The following HADHA variants were observed in gnomAD, a reference collection of about 807,000 sequenced individuals.
HADHA encodes trifunctional enzyme subunit alpha, mitochondrial.
Under a neutral mutation model 91.3 loss-of-function variants are expected in HADHA, and 59 were observed. That is an observed-to-expected ratio of 0.65 (90% CI 0.52 to 0.80). The LOEUF (loss-of-function observed/expected upper bound fraction) is 0.80, where lower values mean the gene tolerates loss of function less well. Among genes scored for constraint, HADHA ranks in the 30% least tolerant of loss-of-function variants. HADHA has a pLI of 0.00. For missense variants in HADHA, 800 were observed against 927.6 expected (o/e 0.86, Z 1.79); for synonymous variants, 320 against 338.9 (o/e 0.94, Z 0.61).
At chr2:26,224,991 T>C (rs549420881) in intron 7 of HADHA, among the ~76,000 whole-genome samples, 1 of 152,314 alleles carries the variant, frequency 6.6e-6, no homozygotes, top group East Asian at 1.9e-4. Flanking sequence ...AAATTGTTAA[T>C]AGATGAACAA....
chr2:26,232,412 C>A, intron 5 of HADHA, 133 bp from the exon 6 acceptor site: 1 of 690,204 alleles, frequency 1.4e-6, no homozygotes, highest in Non-Finnish European at 2.6e-6. Context: ...CTTAGGCTGG[C>A]ATTTAATAAT....
chr2:26,236,359 G>GTGTGTGTATATATATA (rs141555532), intron 4 of HADHA, among the ~76,000 whole-genome samples: 11 of 137,872 alleles, frequency 8.0e-5, no homozygotes, highest in African/African-American at 3.0e-4. Flanking sequence ...GTGTGTGTGT[G>GTGTGTGTATATATATA]TATATATATA....
intron 7 of HADHA, 40 bp from the exon 8 acceptor site, chr2:26,215,215 T>C: frequency 2.5e-6 from 4 of 1,604,612 alleles, no homozygotes; most frequent in Non-Finnish European, 3.4e-6. Context: ...AAATCAGGCT[T>C]AGACCAGTCC....
Position 26,190,893 on chromosome 2 carries a change from T to G in HADHA, c.*357A>C. 2.7e-6 allele frequency: 1 copy of G among 370,550 alleles called. No individual in the cohort carries two copies. The highest frequency in any genetic ancestry group is 5.0e-6 in the Non-Finnish European group (1 of 199,474). The allele number at this position is 370,550 out of a possible 1,614,324, so 23.0% of individuals were successfully genotyped here. On this transcript the variant is annotated 3_prime_UTR_variant, in exon 20 of 20. Transcript: ENST00000380649. ...ATGCTGACACAGAGTTTGGTTTTTA[T>G]TGTTATGTGTTTGGCTGGGTGCAGA...
chr2:26,203,140 A>G (rs557384051), intron 12 of HADHA, among the ~76,000 whole-genome samples: 1 of 152,366 alleles, frequency 6.6e-6, no homozygotes, highest in South Asian at 2.1e-4. Context: ...ATCTTCTACT[A>G]CAACTTGTTA....
intron 11 of HADHA, among the ~76,000 whole-genome samples, chr2:26,206,819 TA>T (rs1669982747): frequency 1.3e-5 from 2 of 152,224 alleles, no homozygotes; most frequent in South Asian, 4.1e-4. Flanking sequence ...TGATATGTAC[TA>T]ATCTACATCT....
chr2:26,232,328 A>G (rs752870986), intron 5 of HADHA, 49 bp from the exon 6 acceptor site: 2 of 1,402,050 alleles, frequency 1.4e-6, no homozygotes, highest in South Asian at 2.3e-5. Context: ...GTAACTTAGT[A>G]GCAACTTGAG....
chr2:26,218,957 A>G (rs1169781150), intron 7 of HADHA, among the ~76,000 whole-genome samples: 1 of 144,668 alleles, frequency 6.9e-6, no homozygotes, highest in Non-Finnish European at 1.5e-5. Context: ...CAGTGAGTCA[A>G]GATCACACCA....
At chr2:26,215,546 A>C (rs940549384) in intron 7 of HADHA, among the ~76,000 whole-genome samples, 13 of 152,312 alleles carry the variant, frequency 8.5e-5, no homozygotes, top group Middle Eastern at 6.8e-3. Context: ...CTGGGGAGCT[A>C]TGGAAGTAAC....
At chr2:26,243,136 A>C (rs1247061904) in intron 1 of HADHA, 1 of 152,256 alleles carries the variant, frequency 6.6e-6, no homozygotes, top group Non-Finnish European at 1.5e-5. Context: ...GCAGATGAGG[A>C]AAATAAAGCC....
chr2:26,194,391 C>T (rs954530846), intron 16 of HADHA, among the ~76,000 whole-genome samples, 179 bp downstream of exon 16: 3 of 152,144 alleles, frequency 2.0e-5, no homozygotes, highest in Non-Finnish European at 4.4e-5. Context: ...CTGCCCCTTT[C>T]AGTGCAGTAT....
At chr2:26,227,833 A>T (rs1411275928) in intron 7 of HADHA, among the ~76,000 whole-genome samples, 4 of 151,138 alleles carry the variant, frequency 2.6e-5, no homozygotes, top group Non-Finnish European at 5.9e-5. Context: ...TTTTCTTCCC[A>T]GAGATAAGGT....
intron 19 of HADHA, 43 bp from the exon 20 acceptor site, chr2:26,191,438 G>A (rs1300992068): frequency 6.2e-7 from 1 of 1,614,152 alleles, no homozygotes; most frequent in East Asian, 2.2e-5. Context: ...ACGCAACACG[G>A]GCTCCAGGCT....
chr2:26,200,966 T>C (rs1022409738), intron 13 of HADHA, among the ~76,000 whole-genome samples, 183 bp downstream of exon 13: 3 of 152,084 alleles, frequency 2.0e-5, no homozygotes, highest in African/African-American at 7.2e-5. Flanking sequence ...ACTCCTTACC[T>C]CGTGATCCGC....
chr2:26,196,727 G>T (rs138043881), intron 14 of HADHA, among the ~76,000 whole-genome samples: 2 of 152,352 alleles, frequency 1.3e-5, no homozygotes, highest in East Asian at 3.9e-4. Flanking sequence ...ACTGCAAAGT[G>T]TGATGCTTGC....
At position 26,229,348 on chromosome 2, in the gene HADHA, GCA is replaced by G. The variant is rs5830004; in HGVS notation, c.676+842_676+843del. On this transcript the variant is annotated intron_variant, in intron 7 of 19. Coordinates refer to ENST00000380649, the MANE Select transcript of HADHA (RefSeq NM_000182.5). This position sits in a 1 kb window ranked among gnomAD's most constrained non-coding sequence, Gnocchi z 4.3. ...GTGAGACCCCAACATGTGTGCGCGC[GCA>G]CACACACACACACACACACACACAA... is the stretch of plus-strand genomic sequence containing the variant. 8.7e-4 allele frequency among the ~76,000 whole-genome samples: 128 copies of G among 147,590 alleles called. 2 individuals are homozygous for G. Among genetic ancestry groups the G allele is most frequent in the South Asian group, 2.2e-3 (10 of 4,632 alleles).
Position 26,192,292 on chromosome 2 carries a change from C to A in HADHA, c.2000+18G>T, listed in dbSNP as rs1558313908. 8.1e-7 allele frequency: 1 copy of A among 1,227,338 alleles called. No homozygotes were observed. The highest frequency in any genetic ancestry group is 1.2e-6 in the Non-Finnish European group (1 of 826,004). The allele number at this position is 1,227,338 out of a possible 1,614,324, so 76.0% of individuals were successfully genotyped here. A position where few individuals can be genotyped will look rare whatever the true frequency, so the allele number is the denominator to read the frequency against. On this transcript the variant is annotated intron_variant, in intron 18 of 19. Coordinates refer to ENST00000380649, the MANE Select transcript of HADHA (RefSeq NM_000182.5). ...GAGAAAGTCAATTTCCAGGCATTAGCCACTCAAACGGACTTACACTTCAGA... is the reference window on the plus strand; with the variant it reads ...GAGAAAGTCAATTTCCAGGCATTAGACACTCAAACGGACTTACACTTCAGA...
At chr2:26,202,330 A>G (rs1292512449) in intron 12 of HADHA, among the ~76,000 whole-genome samples, 7 of 152,226 alleles carry the variant, frequency 4.6e-5, no homozygotes, top group African/African-American at 1.7e-4. Flanking sequence ...CCACACTTTC[A>G]GAATAAATTA....
chr2:26,203,933 T>C, intron 12 of HADHA, 129 bp downstream of exon 12: 1 of 912,624 alleles, frequency 1.1e-6, no homozygotes, highest in South Asian at 1.3e-5. Context: ...GAACTCATTA[T>C]GTTCAGGAAA....
Sources: allele counts gnomAD v4.1 joint callset (sites outside exome capture counted in the v4.1 genomes callset), GRCh38; gene constraint gnomAD v4.1.1; non-coding constraint Gnocchi (gnomAD v3.1); transcripts MANE v1.5; gene names NCBI Gene and HGNC (gene_info 2026-07-23, HGNC 2026-07-21).